RORA: variants seen among roughly 807,000 people sequenced by gnomAD.
RORA encodes the protein RAR related orphan receptor A, also known as nuclear receptor ROR-alpha.
A neutral mutation model predicts 69.5 loss-of-function variants in RORA; 7 were observed. That is an observed-to-expected ratio of 0.10 (90% CI 0.06 to 0.19). RORA has a LOEUF of 0.19. Among genes scored for constraint, RORA ranks in the 10% least tolerant of loss-of-function variants. RORA has a pLI of 1.00. For synonymous variants in RORA, 261 were observed against 240.8 expected (o/e 1.08, Z -0.78); for missense variants, 457 against 663.0 (o/e 0.69, Z 3.41).
chr15:61,175,679 T>A (rs552813387), intron 1 of RORA, among the ~76,000 whole-genome samples: 22 of 151,846 alleles, frequency 1.4e-4, no homozygotes, highest in Middle Eastern at 3.4e-3. Context: ...ATTGTGTCAC[T>A]GCACTCCAAC....
At position 60,519,704 on chromosome 15, in the gene RORA, C is replaced by T. The variant is rs184354577; in HGVS notation, c.283-4947G>A. On this transcript the variant is annotated intron_variant, in intron 3 of 10. Coordinates refer to ENST00000335670, the MANE Select transcript of RORA (RefSeq NM_134261.3). ...AAAAATCTCTCTCTGGAGTTGCCTC[C>T]TGATCTGGATTAGGAGTCACATAAG... 2.6e-5 allele frequency among the ~76,000 whole-genome samples: 4 copies of T among 152,302 alleles called. No homozygotes were observed. The East Asian group carries it at 7.7e-4, about 29-fold the overall frequency.
Position 60,767,693 on chromosome 15 carries a change from C to A in RORA, c.167-89007G>T, listed in dbSNP as rs557358344. On this transcript the variant is annotated intron_variant, in intron 1 of 10. Transcript: ENST00000335670. Reference sequence around the variant, plus strand: ...GGTATTCTTGGTCATTTGATCACTTCTTGTGTTTGTGTATTCTATTCCCTG... The same window carrying A: ...GGTATTCTTGGTCATTTGATCACTTATTGTGTTTGTGTATTCTATTCCCTG... Among the ~76,000 whole-genome samples the A allele has an allele frequency of 1.8e-4, 27 of 152,332 alleles. 2 individuals carry two copies. The South Asian group carries it at 2.3e-3, about 13-fold the overall frequency.
Position 60,503,683 on chromosome 15 carries a change from A to G in RORA, c.943-16T>C, listed in dbSNP as rs571918559. On this transcript the variant is annotated splice_polypyrimidine_tract_variant and intron_variant, in intron 6 of 10. Transcript: ENST00000335670. ...CCTCCCGCTGCTGTTAAAGAGGGAA[A>G]CACATTAACATCCTCCAGGAAGATG... The G allele has an allele frequency of 4.3e-6, 7 of 1,612,946 alleles. No individual in the cohort carries two copies. The highest frequency in any genetic ancestry group is 2.2e-5 in the East Asian group (1 of 44,874).
At chr15:61,202,404 G>C (rs868296287) in intron 1 of RORA, among the ~76,000 whole-genome samples, 1 of 152,124 alleles carries the variant, frequency 6.6e-6, no homozygotes, top group Non-Finnish European at 1.5e-5. Flanking sequence ...AGTAGGTCTG[G>C]GCCTCAATAA....
intron 2 of RORA, among the ~76,000 whole-genome samples, chr15:60,548,634 GTATTTATT>G (rs60500094): frequency 6.6e-6 from 1 of 151,952 alleles, no homozygotes; most frequent in Non-Finnish European, 1.5e-5. Flanking sequence ...TAGCATTAGT[GTATTTATT>G]TATTTATTTA....
At chr15:60,968,120 C>T (rs1893608722) in intron 1 of RORA, among the ~76,000 whole-genome samples, 1 of 152,176 alleles carries the variant, frequency 6.6e-6, no homozygotes, top group Non-Finnish European at 1.5e-5. Flanking sequence ...ATTCCAGAGA[C>T]TGTGTGAATG....
At chr15:60,743,854 G>C (rs1169252948) in intron 1 of RORA, among the ~76,000 whole-genome samples, 1 of 152,182 alleles carries the variant, frequency 6.6e-6, no homozygotes, top group African/African-American at 2.4e-5. Context: ...GTCTTCTAGG[G>C]AGAAGAGAAC....
intron 1 of RORA, among the ~76,000 whole-genome samples, chr15:61,188,326 G>C (rs1313647221): frequency 6.6e-6 from 1 of 152,174 alleles, no homozygotes; most frequent in African/African-American, 2.4e-5. Context: ...AAGTAGGTGT[G>C]GCTGTGTTCG....
chr15:60,647,026 G>A (rs2070058439), intron 2 of RORA, among the ~76,000 whole-genome samples: 2 of 152,310 alleles, frequency 1.3e-5, no homozygotes. Context: ...GAGGAGTCTA[G>A]CAAGAGATGT....
At chr15:60,558,605 T>C (rs534998338) in intron 2 of RORA, among the ~76,000 whole-genome samples, 1 of 152,332 alleles carries the variant, frequency 6.6e-6, no homozygotes, top group South Asian at 2.1e-4. Flanking sequence ...AAAGATATGG[T>C]TGGACTTCAT....
chr15:61,036,381 C>A (rs11071584), intron 1 of RORA, among the ~76,000 whole-genome samples: 62,208 of 151,942 alleles, frequency 0.41, 13,616 homozygotes, highest in Non-Finnish European at 0.51. Context: ...TACTATAGGG[C>A]GGAAAGCACA....
intron 1 of RORA, among the ~76,000 whole-genome samples, chr15:61,068,138 T>C (rs2078290747): frequency 1.3e-5 from 2 of 152,222 alleles, no homozygotes; most frequent in Admixed American, 6.5e-5. Context: ...TCACCTCCAG[T>C]TGTAATTTGA....
chr15:61,001,360 T>C (rs573855109), intron 1 of RORA, among the ~76,000 whole-genome samples: 2 of 152,398 alleles, frequency 1.3e-5, no homozygotes, highest in South Asian at 4.1e-4. Context: ...ATCTGCTTCC[T>C]GGCTGAGTAA....
At chr15:61,032,506 C>T (rs8035549) in intron 1 of RORA, among the ~76,000 whole-genome samples, 14,484 of 152,206 alleles carry the variant, frequency 0.095, 776 homozygotes, top group African/African-American at 0.11. Context: ...ATTTGATCAA[C>T]GGAGTAGACC....
chr15:61,056,072 A>C (rs973528338), intron 1 of RORA, among the ~76,000 whole-genome samples: 2 of 152,248 alleles, frequency 1.3e-5, no homozygotes, highest in African/African-American at 4.8e-5. Flanking sequence ...CCCACATACT[A>C]CTTCTATGCT....
At position 60,497,594 on chromosome 15, in the gene RORA, C is replaced by G; in HGVS notation, c.1433G>C (p.Arg478Thr). The change falls in exon 11 of 11, where the codon AGA becomes ACA. Residue 478 changes from arginine to threonine, a missense_variant. By Grantham distance (71) the Arg-to-Thr change is moderately conservative (BLOSUM62 -1). Coordinates refer to ENST00000335670, the MANE Select transcript of RORA (RefSeq NM_134261.3). ...TTCTGTATGTCGTCCACATAAGGCT[C>G]TTAAGGTAGACACCTTGCATATTAA... ...TKLICKVSTL[R>T]ALCGRHTEKL... 1 of 1,612,678 alleles carries G rather than the reference C, an allele frequency of 6.2e-7. No individual in the cohort carries two copies. Among genetic ancestry groups the G allele is most frequent in the Non-Finnish European group, 8.5e-7 (1 of 1,178,672 alleles).
intron 1 of RORA, among the ~76,000 whole-genome samples, chr15:60,897,200 C>T (rs916895418): frequency 2.0e-5 from 3 of 152,166 alleles, no homozygotes; most frequent in African/African-American, 7.2e-5. Flanking sequence ...CTAGGAGGGC[C>T]ATCTTCTGCC....
At chr15:60,962,799 G>C (rs1042665257) in intron 1 of RORA, among the ~76,000 whole-genome samples, 8 of 152,140 alleles carry the variant, frequency 5.3e-5, no homozygotes, top group Non-Finnish European at 8.8e-5. Flanking sequence ...AATCAAACTG[G>C]GAAAACACAA....
intron 5 of RORA, among the ~76,000 whole-genome samples, chr15:60,510,175 T>C (rs8025669): frequency 0.95 from 145,115 of 152,292 alleles, 69,483 homozygotes; most frequent in Middle Eastern, 1. Context: ...ATTCTCTCCT[T>C]GTATTAACTT....
Sources: gnomAD v4.1 joint callset for allele counts (sites outside exome capture counted in the v4.1 genomes callset) on GRCh38, gnomAD v4.1.1 for gene constraint, MANE v1.5 for transcripts, NCBI Gene and HGNC (gene_info 2026-07-23, HGNC 2026-07-21) for gene names.